Variants in TENM3 observed in about 807,000 individuals in gnomAD.
The protein encoded by TENM3 is teneurin-3.
TENM3 carries 63 observed loss-of-function variants against 255.1 expected under a neutral mutation model. The observed-to-expected ratio is 0.25, with a 90% confidence interval of 0.20 to 0.30. The LOEUF (loss-of-function observed/expected upper bound fraction) is 0.30. Ranked by LOEUF, TENM3 falls within the 10% of genes least tolerant of loss-of-function variation. TENM3 has a pLI of 1.00. For synonymous variants in TENM3, 1,306 were observed against 1,322.3 expected (o/e 0.99, Z 0.27); for missense variants, 2,929 against 3,461.1 (o/e 0.85, Z 3.86).
At chr4:181,683,621 C>A in the TENM3 span, among the ~76,000 whole-genome samples, 12 of 152,102 alleles carry the variant, frequency 7.9e-5, no homozygotes, top group African/African-American at 2.9e-4. Flanking sequence ...GCAGATGAAG[C>A]GACTTCATCG....
At chr4:182,553,627 C>G (rs898167491) in intron 3 of TENM3, among the ~76,000 whole-genome samples, 1 of 152,044 alleles carries the variant, frequency 6.6e-6, no homozygotes, top group African/African-American at 2.4e-5. Flanking sequence ...GTTTCCTATT[C>G]CTTTGCTCGG....
chr4:181,557,574 T>G, the TENM3 span, among the ~76,000 whole-genome samples: 1 of 152,342 alleles, frequency 6.6e-6, no homozygotes, highest in South Asian at 2.1e-4. Flanking sequence ...TTGCTCAGGT[T>G]GGAGTGCAGT....
chr4:182,095,025 G>A, the TENM3 span, among the ~76,000 whole-genome samples: 2 of 151,860 alleles, frequency 1.3e-5, no homozygotes, highest in African/African-American at 4.8e-5. Context: ...CCAAAAGACA[G>A]GCAGATGCTG....
chr4:181,981,734 A>G, the TENM3 span, among the ~76,000 whole-genome samples: 1 of 152,196 alleles, frequency 6.6e-6, no homozygotes, highest in African/African-American at 2.4e-5. Flanking sequence ...CCAAGTGACA[A>G]TGAATACGAA....
the TENM3 span, among the ~76,000 whole-genome samples, chr4:181,728,564 G>T: frequency 6.6e-6 from 1 of 152,166 alleles, no homozygotes; most frequent in Admixed American, 6.6e-5. Context: ...TCGTGGTGCT[G>T]GTGGGCATGG....
rs1403777175 is a variant in TENM3 at position 182,478,076 on chromosome 4, GCTTA to G, written c.512-122844_512-122841del. Among the ~76,000 whole-genome samples the G allele has an allele frequency of 3.3e-5, 5 of 152,008 alleles. No individual in the cohort carries two copies. The East Asian group carries it at 9.6e-4, about 29-fold the overall frequency. ...AGGAACAAATCTGAATATTAATTTA[GCTTA>G]CTTGTTTCTGTGGAACTTAAACACT... is the stretch of plus-strand genomic sequence containing the variant. On this transcript the variant is annotated intron_variant, in intron 3 of 27. Coordinates refer to ENST00000511685, the MANE Select transcript of TENM3 (RefSeq NM_001080477.4).
chr4:182,781,219 G>A (rs1362472933), intron 24 of TENM3, among the ~76,000 whole-genome samples: 2 of 150,478 alleles, frequency 1.3e-5, no homozygotes, highest in Non-Finnish European at 3.0e-5. Context: ...TTATTATTTT[G>A]AGATACGTCC....
At chr4:181,937,352 A>C in the TENM3 span, among the ~76,000 whole-genome samples, 1 of 152,224 alleles carries the variant, frequency 6.6e-6, no homozygotes, top group Non-Finnish European at 1.5e-5. Flanking sequence ...TTTAAACAGG[A>C]GAGAGGCATG....
the TENM3 span, among the ~76,000 whole-genome samples, chr4:181,570,416 A>G: frequency 6.6e-6 from 1 of 152,012 alleles, no homozygotes; most frequent in Non-Finnish European, 1.5e-5. Flanking sequence ...TGGGAGGATC[A>G]CTTGAGTTTT....
chr4:181,814,448 T>C, the TENM3 span, among the ~76,000 whole-genome samples: 1 of 152,088 alleles, frequency 6.6e-6, no homozygotes, highest in East Asian at 1.9e-4. Context: ...TCTTTCAAGA[T>C]TGGACAGATT....
the TENM3 span, among the ~76,000 whole-genome samples, chr4:182,083,011 G>T: frequency 6.6e-6 from 1 of 152,132 alleles, no homozygotes; most frequent in African/African-American, 2.4e-5. Flanking sequence ...AATTTATGGG[G>T]AACATTAGTA....
chr4:182,762,006 C>G (rs1487237486), intron 22 of TENM3, among the ~76,000 whole-genome samples: 1 of 152,140 alleles, frequency 6.6e-6, no homozygotes, highest in Admixed American at 6.5e-5. Context: ...TTGATCTATT[C>G]CAATTACCTT....
chr4:181,803,818 C>T, the TENM3 span, among the ~76,000 whole-genome samples: 2 of 151,500 alleles, frequency 1.3e-5, no homozygotes, highest in Non-Finnish European at 2.9e-5. Flanking sequence ...AGCCTGTGGT[C>T]CCAGCTACTT....
the TENM3 span, among the ~76,000 whole-genome samples, chr4:181,577,517 C>T: frequency 2.6e-5 from 4 of 152,096 alleles, no homozygotes; most frequent in Non-Finnish European, 5.9e-5. Context: ...TCTCTACATA[C>T]TCTTTCCCAA....
the TENM3 span, among the ~76,000 whole-genome samples, chr4:181,605,499 AAAG>A: frequency 8.3e-5 from 1 of 12,060 alleles, no homozygotes; most frequent in Admixed American, 1.3e-3. Context: ...AGAAAGAAAG[AAAG>A]AAAGAAAGAA....
At chr4:181,836,183 G>GCACACAAA in the TENM3 span, among the ~76,000 whole-genome samples, 1 of 148,844 alleles carries the variant, frequency 6.7e-6, no homozygotes, top group Admixed American at 6.7e-5. Flanking sequence ...ATACACACAT[G>GCACACAAA]CACACACACA....
chr4:181,524,590 T>C, the TENM3 span, among the ~76,000 whole-genome samples: 1 of 152,232 alleles, frequency 6.6e-6, no homozygotes, highest in African/African-American at 2.4e-5. Flanking sequence ...TGATTAATTA[T>C]CTATGGTTCC....
chr4:181,926,674 T>A, the TENM3 span, among the ~76,000 whole-genome samples: 1 of 152,128 alleles, frequency 6.6e-6, no homozygotes, highest in South Asian at 2.1e-4. Flanking sequence ...AATAATTGCT[T>A]ATAACTTTTT....
the TENM3 span, among the ~76,000 whole-genome samples, chr4:182,132,754 A>C: frequency 1.3e-5 from 2 of 152,260 alleles, no homozygotes; most frequent in Non-Finnish European, 2.9e-5. Flanking sequence ...TGTGTGTAAG[A>C]TTTTATATGG....
Sources: allele counts gnomAD v4.1 joint callset (sites outside exome capture counted in the v4.1 genomes callset), GRCh38; gene constraint gnomAD v4.1.1; transcripts MANE v1.5; gene names NCBI Gene and HGNC (gene_info 2026-07-23, HGNC 2026-07-21).